The following TPD52L1 variants were observed in gnomAD, a reference collection of about 807,000 sequenced individuals.
TPD52L1 encodes the protein tumor protein D53.
In TPD52L1, 18 loss-of-function variants were observed where a neutral mutation model predicts 28.7. That is an observed-to-expected ratio of 0.63 (90% CI 0.43 to 0.93). The LOEUF is 0.93. Among genes scored for constraint, TPD52L1 ranks in the 40% least tolerant of loss-of-function variants. The probability of loss-of-function intolerance (pLI) is 0.00; values close to 1 mark genes in which losing one functional copy is unlikely to be tolerated. For missense variants in TPD52L1, 203 were observed against 254.8 expected, an observed-to-expected ratio of 0.80 and a Z score of 1.39; for synonymous variants, 75 against 88.8, an observed-to-expected ratio of 0.84 and a Z score of 0.88.
intron 1 of TPD52L1, 198 bp from the exon 2 acceptor site, chr6:125,219,880 C>T: frequency 8.3e-6 from 5 of 601,684 alleles, no homozygotes; most frequent in Admixed American, 2.7e-5. Flanking sequence ...TAATTTTTTT[C>T]TTTTTTTGGC....
chr6:125,251,628 T>G (rs987089781), intron 4 of TPD52L1, among the ~76,000 whole-genome samples: 1 of 152,184 alleles, frequency 6.6e-6, no homozygotes, highest in Non-Finnish European at 1.5e-5. Flanking sequence ...ATATTTCCTG[T>G]GAAGTTAAAA....
chr6:125,155,814 C>A (rs1394212465), intron 1 of TPD52L1, among the ~76,000 whole-genome samples: 1 of 152,136 alleles, frequency 6.6e-6, no homozygotes, highest in African/African-American at 2.4e-5. Context: ...GGACTCATTT[C>A]CTGTGCGCAG....
chr6:125,175,991 A>G (rs1038125355), intron 1 of TPD52L1, among the ~76,000 whole-genome samples: 4 of 152,326 alleles, frequency 2.6e-5, no homozygotes, highest in African/African-American at 9.6e-5. Flanking sequence ...GTTCCAACAT[A>G]CTAGAAGAGA....
intron 1 of TPD52L1, among the ~76,000 whole-genome samples, chr6:125,190,488 T>C (rs1792961083): frequency 6.6e-6 from 1 of 152,042 alleles, no homozygotes; most frequent in Admixed American, 6.6e-5. Context: ...GGAAGACAGT[T>C]TTTCCACAGA....
chr6:125,156,443 A>G (rs1790125926), intron 1 of TPD52L1, among the ~76,000 whole-genome samples: 2 of 139,852 alleles, frequency 1.4e-5, no homozygotes, highest in Admixed American at 1.5e-4. Context: ...TCTAGTCTGG[A>G]CAAGAGTGAG....
rs1432219009 is a variant in TPD52L1, at chr6:125,260,972, GAAAGAAAAGAAAA to G, written c.487-1861_487-1849del. ...AGAAAGAAAGAAAGAAAGAAAGAAAGAAAGAAAAGAAAAGAAAGAAAGAAAGAAAGAAAGAAAG... is the reference window on the plus strand; with the variant it reads ...AGAAAGAAAGAAAGAAAGAAAGAAAGGAAAGAAAGAAAGAAAGAAAGAAAG... On this transcript the variant is annotated intron_variant, in intron 6 of 6. Coordinates refer to ENST00000534000, the MANE Select transcript of TPD52L1 (RefSeq NM_003287.4). The G allele has an allele frequency of 1.6e-4, 8 of 51,270 alleles. 1 individual carries two copies. The highest frequency in any genetic ancestry group is 7.8e-4 in the South Asian group (1 of 1,280). 3.2% of individuals were successfully genotyped at this position (51,270 alleles called of 1,614,324 possible). A position where few individuals can be genotyped will look rare whatever the true frequency, so the allele number is the denominator to read the frequency against.
chr6:125,235,648 C>T (rs909983217), intron 3 of TPD52L1, among the ~76,000 whole-genome samples: 2 of 152,108 alleles, frequency 1.3e-5, no homozygotes, highest in Non-Finnish European at 2.9e-5. Context: ...AATCATTTCC[C>T]GACATATAAC....
At chr6:125,172,132 C>CT (rs372090847) in intron 1 of TPD52L1, among the ~76,000 whole-genome samples, 1 of 60,436 alleles carries the variant, frequency 1.7e-5, no homozygotes, top group African/African-American at 1.0e-4. Context: ...TTCTTTCTTT[C>CT]TTTCTTTCTT....
At chr6:125,190,776 T>C (rs1211499764) in intron 1 of TPD52L1, among the ~76,000 whole-genome samples, 3 of 152,076 alleles carry the variant, frequency 2.0e-5, no homozygotes, top group Admixed American at 6.6e-5. Context: ...CCTTTGAGAA[T>C]CAAATGCTGC....
chr6:125,177,978 C>T (rs1321748067), intron 1 of TPD52L1, among the ~76,000 whole-genome samples: 2 of 152,106 alleles, frequency 1.3e-5, no homozygotes, highest in African/African-American at 4.8e-5. Flanking sequence ...TTCTCTTTAG[C>T]TGTTTCAATA....
At chr6:125,212,373 C>A (rs1180754742) in intron 1 of TPD52L1, among the ~76,000 whole-genome samples, 1 of 152,154 alleles carries the variant, frequency 6.6e-6, no homozygotes, top group Non-Finnish European at 1.5e-5. Context: ...GATTCTGCAA[C>A]TTTTACATAT....
At chr6:125,169,707 AGCCTCCTAGCAG>A (rs1043003071) in intron 1 of TPD52L1, among the ~76,000 whole-genome samples, 1 of 152,036 alleles carries the variant, frequency 6.6e-6, no homozygotes, top group African/African-American at 2.4e-5. Flanking sequence ...TTACTGCAGG[AGCCTCCTAGCAG>A]GCCTCCCTGC....
At chr6:125,192,514 A>G (rs141338495) in intron 1 of TPD52L1, among the ~76,000 whole-genome samples, 159 of 152,202 alleles carry the variant, frequency 1.0e-3, no homozygotes, top group African/African-American at 3.7e-3. Flanking sequence ...CTGTTGCCAG[A>G]GAGCCCTTGA....
intron 1 of TPD52L1, among the ~76,000 whole-genome samples, chr6:125,214,158 C>A (rs1030347933): frequency 2.6e-5 from 4 of 152,110 alleles, no homozygotes; most frequent in Non-Finnish European, 5.9e-5. Flanking sequence ...TAACCACTCG[C>A]TTCTGCCCTC....
intron 3 of TPD52L1, among the ~76,000 whole-genome samples, chr6:125,234,152 C>T (rs1011863083): frequency 6.6e-6 from 1 of 152,154 alleles, no homozygotes; most frequent in Non-Finnish European, 1.5e-5. Context: ...CATTAGCTGC[C>T]ATTGCTTTAA....
chr6:125,154,220 G>A (rs1234299964), intron 1 of TPD52L1: 1 of 1,345,588 alleles, frequency 7.4e-7, no homozygotes, highest in African/African-American at 1.5e-5. Context: ...ATGCGCCCGT[G>A]GAATGCTCTA....
intron 1 of TPD52L1, among the ~76,000 whole-genome samples, chr6:125,180,407 A>T (rs955844103): frequency 3.3e-5 from 5 of 152,160 alleles, no homozygotes; most frequent in African/African-American, 1.2e-4. Flanking sequence ...AGTTTGACAC[A>T]GTTAATGCCA....
At chr6:125,226,923 T>C (rs990672491) in intron 2 of TPD52L1, among the ~76,000 whole-genome samples, 3 of 152,138 alleles carry the variant, frequency 2.0e-5, no homozygotes, top group Non-Finnish European at 4.4e-5. Flanking sequence ...AAAATAACAG[T>C]GTATTCTCAT....
In TPD52L1 at chr6:125,165,904, C is replaced by G. The variant is rs140692584; in HGVS notation, c.19+11934C>G. On this transcript the variant is annotated intron_variant, in intron 1 of 6. Transcript: ENST00000534000. ...GGAATGGTTCAAATATGTTATTCTA[C>G]TTGGTGTTCGTCCATACCCAGTAAT... Among the ~76,000 whole-genome samples the G allele has an allele frequency of 2.0e-5, 3 of 152,238 alleles. No individual in the cohort carries two copies. The East Asian group carries it at 5.8e-4, about 29-fold the overall frequency.
Sources: gnomAD v4.1 joint callset for allele counts (sites outside exome capture counted in the v4.1 genomes callset) on GRCh38, gnomAD v4.1.1 for gene constraint, MANE v1.5 for transcripts, NCBI Gene and HGNC (gene_info 2026-07-23, HGNC 2026-07-21) for gene names.